AAK1: variants seen among roughly 807,000 people sequenced by gnomAD.
AAK1 encodes the protein AP2 associated kinase 1.
In AAK1, 37 loss-of-function variants were observed where a neutral mutation model predicts 116.0. The ratio of observed to expected loss-of-function variants is 0.32; its 90% confidence interval spans 0.25 to 0.42. The LOEUF is 0.42. Ranked by LOEUF, AAK1 falls within the 10% of genes least tolerant of loss-of-function variation. The pLI is 1.00. For synonymous variants in AAK1, 458 were observed against 439.9 expected (o/e 1.04, Z -0.51); for missense variants, 919 against 1,170.6 (o/e 0.79, Z 3.14).
At chr2:69,602,288 G>A (rs1673614269) in intron 2 of AAK1, among the ~76,000 whole-genome samples, 1 of 152,086 alleles carries the variant, frequency 6.6e-6, no homozygotes, top group Non-Finnish European at 1.5e-5. Flanking sequence ...GGGACAATTA[G>A]TAAAATCTGA....
In AAK1 at chr2:69,542,661, G is replaced by C. The variant is rs1290173831; in HGVS notation, c.396C>G (p.Gly132=). The change falls in exon 5 of 22, where the codon GGC becomes GGG. Residue 132 remains glycine, a synonymous_variant. Coordinates refer to ENST00000409085, the MANE Select transcript of AAK1 (RefSeq NM_014911.5). ...VLILMDFCRG[G]QVVNLMNQRL... Reference sequence around the variant, plus strand: ...GCTGGTTCATCAGGTTTACCACCTGGCCACCTGAGGGGGTACGTACAGGGC... The same window carrying C: ...GCTGGTTCATCAGGTTTACCACCTGCCCACCTGAGGGGGTACGTACAGGGC... The C allele has an allele frequency of 1.2e-6, 2 of 1,613,536 alleles. No homozygotes were observed. The highest frequency in any genetic ancestry group is 1.3e-5 in the African/African-American group (1 of 74,912).
At chr2:69,587,447 G>A (rs28679385) in intron 2 of AAK1, among the ~76,000 whole-genome samples, 252 of 148,058 alleles carry the variant, frequency 1.7e-3, no homozygotes, top group Non-Finnish European at 2.8e-3. Flanking sequence ...ATGTGTATAT[G>A]TATATATGTG....
chr2:69,557,788 A>G (rs1671449487), intron 2 of AAK1, among the ~76,000 whole-genome samples: 2 of 152,164 alleles, frequency 1.3e-5, no homozygotes, highest in South Asian at 4.1e-4. Context: ...TTATTTCACT[A>G]ATTTCTATTA....
rs1674737887 is a variant in AAK1, at chr2:69,473,205, T to A, written c.*2664A>T. ...CCAGGATGAGATCCCAGGTGGCCTG[T>A]CCTGCCCAGGCCTCTTCTCCCCCGA... On this transcript the variant is annotated 3_prime_UTR_variant, in exon 22 of 22. Transcript: ENST00000409085. 1.2e-6 allele frequency: 1 copy of A among 830,802 alleles called. No individual in the cohort carries two copies. The highest frequency in any genetic ancestry group is 1.5e-6 in the Non-Finnish European group (1 of 688,830). 51.5% of individuals were successfully genotyped at this position (830,802 alleles called of 1,614,324 possible). A position where few individuals can be genotyped will look rare whatever the true frequency, so the allele number is the denominator to read the frequency against.
chr2:69,537,838 G>A (rs1384651638), intron 5 of AAK1, among the ~76,000 whole-genome samples: 2 of 152,186 alleles, frequency 1.3e-5, no homozygotes, highest in Admixed American at 6.5e-5. Flanking sequence ...GTAAGATCTG[G>A]GGAGTCAATG....
chr2:69,475,341 C>T lies in AAK1; in HGVS notation c.*528G>A, dbSNP rs1674812979. ...CAGTAAGTTTTACCCTTTCTTAAAC[C>T]ACACACCCATCTCCAGGCTACTGCC... On this transcript the variant is annotated 3_prime_UTR_variant, in exon 22 of 22. Transcript: ENST00000409085. 1.0e-6 allele frequency: 1 copy of T among 986,698 alleles called. No individual in the cohort carries two copies. The highest frequency in any genetic ancestry group is 1.2e-6 in the Non-Finnish European group (1 of 830,690). The allele number at this position is 986,698 out of a possible 1,614,324, so 61.1% of individuals were successfully genotyped here. A position where few individuals can be genotyped will look rare whatever the true frequency, so the allele number is the denominator to read the frequency against.
intron 9 of AAK1, among the ~76,000 whole-genome samples, chr2:69,526,446 A>T (rs1291747477): frequency 6.6e-6 from 1 of 152,184 alleles, no homozygotes; most frequent in East Asian, 1.9e-4. Context: ...TATTTAAGAA[A>T]AATAAATCAC....
Position 69,470,343 on chromosome 2 carries a change from A to T in AAK1, c.*5526T>A. 1.0e-6 allele frequency: 1 copy of T among 985,454 alleles called. No individual in the cohort carries two copies. The allele number at this position is 985,454 out of a possible 1,614,324, so 61.0% of individuals were successfully genotyped here. A position where few individuals can be genotyped will look rare whatever the true frequency, so the allele number is the denominator to read the frequency against. On this transcript the variant is annotated 3_prime_UTR_variant, in exon 22 of 22. Transcript: ENST00000409085. ...AATGCAGCAGCAATTGAAACGTAAA[A>T]TTTTAGAACCAAACTGGGGAAATCA... is the stretch of plus-strand genomic sequence containing the variant.
At chr2:69,583,432 C>T (rs570599816) in intron 2 of AAK1, among the ~76,000 whole-genome samples, 30 of 152,302 alleles carry the variant, frequency 2.0e-4, no homozygotes, top group African/African-American at 6.5e-4. Context: ...TCTTTATGCT[C>T]CAATCACTCT....
chr2:69,470,239 G>A lies in AAK1; in HGVS notation c.*5630C>T. ...ATTCTTGCCAAAAACAGAAAACGAA[G>A]ACTTGGAGCATTGAGAAGAAGCCTT... On this transcript the variant is annotated 3_prime_UTR_variant, in exon 22 of 22. Coordinates refer to ENST00000409085, the MANE Select transcript of AAK1 (RefSeq NM_014911.5). 2 of 985,406 alleles carry A rather than the reference G, an allele frequency of 2.0e-6. No homozygotes were observed. Among genetic ancestry groups the A allele is most frequent in the Non-Finnish European group, 1.2e-6 (1 of 829,934 alleles). The allele number at this position is 985,406 out of a possible 1,614,324, so 61.0% of individuals were successfully genotyped here. A position where few individuals can be genotyped will look rare whatever the true frequency, so the allele number is the denominator to read the frequency against.
chr2:69,464,026 G>T lies in AAK1; in HGVS notation c.*11843C>A, dbSNP rs1228131487. 6.6e-6 allele frequency: 1 copy of T among 152,538 alleles called. No individual in the cohort carries two copies. The highest frequency in any genetic ancestry group is 6.6e-5 in the Admixed American group (1 of 15,266). The allele number at this position is 152,538 out of a possible 1,614,324, so 9.4% of individuals were successfully genotyped here. ...AAGTCAGATCTTTCCAGAAATAAAA[G>T]ACAATTTTAAAAAACATCAGTTAAC... On this transcript the variant is annotated 3_prime_UTR_variant, in exon 22 of 22. Transcript: ENST00000409085.
chr2:69,495,915 C>CAG (rs1025876253), intron 17 of AAK1, 70 bp downstream of exon 17: 2 of 1,299,698 alleles, frequency 1.5e-6, no homozygotes, highest in African/African-American at 3.0e-5. Flanking sequence ...GTATTTAAGG[C>CAG]AGAACTTTCT....
chr2:69,530,184 C>T, intron 7 of AAK1, 44 bp from the exon 8 acceptor site: 2 of 1,574,700 alleles, frequency 1.3e-6, no homozygotes, highest in Non-Finnish European at 8.6e-7. Flanking sequence ...GCTTATTTAT[C>T]ATGACTCTAA....
intron 5 of AAK1, among the ~76,000 whole-genome samples, chr2:69,539,619 G>A (rs1291430310): frequency 6.6e-6 from 1 of 152,152 alleles, no homozygotes; most frequent in Non-Finnish European, 1.5e-5. Flanking sequence ...CATTGTTAAA[G>A]GCAACTAGGA....
At chr2:69,612,217 AT>A (rs751610150) in intron 2 of AAK1, among the ~76,000 whole-genome samples, 123 of 152,272 alleles carry the variant, frequency 8.1e-4, no homozygotes, top group Non-Finnish European at 1.6e-3. Flanking sequence ...GAGAAAAAAA[AT>A]AATGTGAATG....
chr2:69,635,559 G>A (rs1675407366), intron 2 of AAK1, among the ~76,000 whole-genome samples: 1 of 152,208 alleles, frequency 6.6e-6, no homozygotes, highest in South Asian at 2.1e-4. Flanking sequence ...GTCCACTGAT[G>A]AATGATACAT....
chr2:69,550,544 C>T (rs963881257), intron 3 of AAK1, among the ~76,000 whole-genome samples: 4 of 151,754 alleles, frequency 2.6e-5, no homozygotes, highest in African/African-American at 4.8e-5. Context: ...CCTCATGATC[C>T]GACCGCCCAA....
intron 10 of AAK1, among the ~76,000 whole-genome samples, chr2:69,523,997 A>G (rs1558933962): frequency 2.6e-5 from 4 of 152,102 alleles, no homozygotes; most frequent in Non-Finnish European, 4.4e-5. Context: ...TTTCCCTCAC[A>G]TGGGCATTTC....
At chr2:69,634,645 C>T (rs1675369665) in intron 2 of AAK1, among the ~76,000 whole-genome samples, 2 of 152,184 alleles carry the variant, frequency 1.3e-5, no homozygotes, top group Admixed American at 1.3e-4. Context: ...GTGATGGGGT[C>T]TGTGGTGTAG....
Sources: allele counts gnomAD v4.1 joint callset (sites outside exome capture counted in the v4.1 genomes callset), GRCh38; gene constraint gnomAD v4.1.1; transcripts MANE v1.5; gene names NCBI Gene and HGNC (gene_info 2026-07-23, HGNC 2026-07-21).